Variants in AFF1 observed in about 807,000 individuals in gnomAD.
The protein encoded by AFF1 is AF4/FMR2 family member 1.
A neutral mutation model predicts 121.7 loss-of-function variants in AFF1; 48 were observed. The observed-to-expected ratio is 0.39, with a 90% CI of 0.31 to 0.50. The LOEUF (loss-of-function observed/expected upper bound fraction) is 0.50. Ranked by LOEUF, AFF1 falls within the 20% of genes least tolerant of loss-of-function variation. The pLI is 0.76. For synonymous variants in AFF1, 613 were observed against 563.0 expected (o/e 1.09, Z -1.26); for missense variants, 1,523 against 1,511.7 (o/e 1.01, Z -0.12).
intron 1 of AFF1, among the ~76,000 whole-genome samples, chr4:86,938,727 CT>C (rs1319958500): frequency 6.6e-6 from 1 of 152,154 alleles, no homozygotes; most frequent in Non-Finnish European, 1.5e-5. Context: ...ATATGTGGCT[CT>C]TTGTAGGTAC....
At chr4:86,995,438 A>G (rs1435418864) in intron 2 of AFF1, among the ~76,000 whole-genome samples, 1 of 150,838 alleles carries the variant, frequency 6.6e-6, no homozygotes, top group Non-Finnish European at 1.5e-5. Flanking sequence ...CAGCCTGCCG[A>G]GTGCCTGCGA....
At chr4:86,956,648 G>A (rs1193242349) in intron 2 of AFF1, among the ~76,000 whole-genome samples, 2 of 152,070 alleles carry the variant, frequency 1.3e-5, no homozygotes, top group East Asian at 3.8e-4. Flanking sequence ...TGCCTATTCT[G>A]GACATTTTAT....
intron 2 of AFF1, chr4:86,949,984 G>C (rs914605946): frequency 5.0e-6 from 8 of 1,614,056 alleles, no homozygotes; most frequent in South Asian, 3.3e-5. Context: ...CGAGCTGGCA[G>C]ATCACAAAGA....
chr4:86,956,609 C>T (rs1373448718), intron 2 of AFF1, among the ~76,000 whole-genome samples: 2 of 152,128 alleles, frequency 1.3e-5, no homozygotes, highest in Non-Finnish European at 2.9e-5. Context: ...CATTCCCAGC[C>T]CCAGGTAACT....
intron 2 of AFF1, among the ~76,000 whole-genome samples, chr4:86,984,928 A>T (rs531963615): frequency 5.3e-4 from 80 of 152,002 alleles, no homozygotes; most frequent in South Asian, 4.4e-3. Flanking sequence ...CTAAAAAAAT[A>T]AAAATAAAAA....
At chr4:87,125,972 T>A (rs1728197579) in intron 13 of AFF1, 127 bp from the exon 14 acceptor site, 2 of 950,720 alleles carry the variant, frequency 2.1e-6, no homozygotes, top group Admixed American at 4.5e-5. Flanking sequence ...AAATTTGGCC[T>A]GTTTACACAG....
At position 87,115,212 on chromosome 4, in the gene AFF1, A is replaced by C; in HGVS notation, c.2379A>C (p.Ala793=). 1.2e-6 allele frequency: 2 copies of C among 1,614,236 alleles called. No individual in the cohort carries two copies. Among genetic ancestry groups the C allele is most frequent in the Non-Finnish European group, 1.7e-6 (2 of 1,180,054 alleles). ...GGAAGGGGAGCCGCCAGAGGAAAGC[A>C]GAAGATAAACAGCCGCCCGCAGGGA... ...PPGKGSRQRK[A]EDKQPPAGKK... is the part of the protein sequence containing the mutation. The change falls in exon 12 of 21, where the codon GCA becomes GCC. Residue 793 remains alanine, a synonymous_variant. Transcript: ENST00000395146.
At chr4:86,989,475 A>G (rs1022644942) in intron 2 of AFF1, among the ~76,000 whole-genome samples, 1 of 152,224 alleles carries the variant, frequency 6.6e-6, no homozygotes, top group African/African-American at 2.4e-5. Context: ...AACCACAATG[A>G]GATACCATCT....
intron 8 of AFF1, among the ~76,000 whole-genome samples, chr4:87,102,346 A>G (rs1228002920): frequency 1.3e-5 from 2 of 152,234 alleles, no homozygotes; most frequent in South Asian, 4.1e-4. Context: ...GAAACATAAC[A>G]TATTGAGTTC....
At chr4:87,129,614 T>A (rs958420650) in intron 16 of AFF1, among the ~76,000 whole-genome samples, 3 of 152,260 alleles carry the variant, frequency 2.0e-5, no homozygotes, top group Admixed American at 2.0e-4. Flanking sequence ...TGGGGAATAC[T>A]CATTTGATTT....
At chr4:86,980,947 A>C (rs996800493) in intron 2 of AFF1, among the ~76,000 whole-genome samples, 2,662 of 101,152 alleles carry the variant, frequency 0.026, 15 homozygotes, top group Admixed American at 0.042. Flanking sequence ...GGCTTGAGGC[A>C]CCCCCCCCCT....
chr4:86,966,436 G>A (rs1453930819), intron 2 of AFF1, among the ~76,000 whole-genome samples: 1 of 151,894 alleles, frequency 6.6e-6, no homozygotes, highest in African/African-American at 2.4e-5. Flanking sequence ...TTTATACTAT[G>A]GATTTTCTCT....
At chr4:86,976,279 T>G (rs954103788) in intron 2 of AFF1, among the ~76,000 whole-genome samples, 4 of 152,150 alleles carry the variant, frequency 2.6e-5, no homozygotes, top group Admixed American at 2.6e-4. Flanking sequence ...ACTGGCATTT[T>G]GCATTGCAAG....
chr4:87,045,253 A>G (rs565811459), intron 2 of AFF1, among the ~76,000 whole-genome samples: 7 of 152,238 alleles, frequency 4.6e-5, no homozygotes, highest in Non-Finnish European at 8.8e-5. Flanking sequence ...GAAAACATTC[A>G]GTAGATTCCC....
intron 19 of AFF1, among the ~76,000 whole-genome samples, chr4:87,134,122 C>T (rs2149805352): frequency 6.6e-6 from 1 of 152,300 alleles, no homozygotes; most frequent in Middle Eastern, 3.4e-3. Context: ...TGGTACAGAG[C>T]AGGTGCTCAG....
At chr4:86,995,323 C>G (rs570046622) in intron 2 of AFF1, among the ~76,000 whole-genome samples, 1 of 128,154 alleles carries the variant, frequency 7.8e-6, no homozygotes. Context: ...CCCACGGTCT[C>G]CCTCTCCCTC....
chr4:86,944,630 G>A (rs1357170330), intron 1 of AFF1, among the ~76,000 whole-genome samples: 1 of 152,062 alleles, frequency 6.6e-6, no homozygotes, highest in Non-Finnish European at 1.5e-5. Flanking sequence ...AGACAGCCGC[G>A]GCGCCCAGCC....
chr4:87,051,314 G>A (rs761800475), intron 4 of AFF1, among the ~76,000 whole-genome samples: 5 of 152,062 alleles, frequency 3.3e-5, no homozygotes, highest in Non-Finnish European at 5.9e-5. Flanking sequence ...CACCCAGACC[G>A]AACCTACAGC....
chr4:86,967,644 T>A (rs890590918), intron 2 of AFF1, among the ~76,000 whole-genome samples: 11 of 151,902 alleles, frequency 7.2e-5, no homozygotes, highest in Admixed American at 6.6e-4. Context: ...CTGGATGATT[T>A]TTTTTTTTTT....
Sources: allele counts gnomAD v4.1 joint callset (sites outside exome capture counted in the v4.1 genomes callset), GRCh38; gene constraint gnomAD v4.1.1; transcripts MANE v1.5; gene names NCBI Gene and HGNC (gene_info 2026-07-23, HGNC 2026-07-21).